The following LAMA1 variants were observed in gnomAD, a reference collection of about 807,000 sequenced individuals.
The protein encoded by LAMA1 is laminin subunit alpha-1.
In LAMA1, 219 loss-of-function variants were observed where a neutral mutation model predicts 348.7. The observed-to-expected ratio is 0.63, with a 90% CI of 0.56 to 0.70. The LOEUF is 0.70. Among genes scored for constraint, LAMA1 ranks in the 30% least tolerant of loss-of-function variants. LAMA1 has a pLI of 0.00. For missense variants in LAMA1, 3,744 were observed against 3,888.0 expected (o/e 0.96, Z 0.99); for synonymous variants, 1,487 against 1,491.0 (o/e 1.00, Z 0.06).
intron 23 of LAMA1, among the ~76,000 whole-genome samples, chr18:7,013,417 G>A (rs1022593396): frequency 2.0e-5 from 3 of 151,974 alleles, no homozygotes; most frequent in African/African-American, 7.3e-5. Flanking sequence ...TACCTCTTGG[G>A]AAAATAATAA....
At chr18:7,002,783 T>C (rs1282904926) in intron 29 of LAMA1, among the ~76,000 whole-genome samples, 1 of 152,192 alleles carries the variant, frequency 6.6e-6, no homozygotes, top group Non-Finnish European at 1.5e-5. Flanking sequence ...AATGGATAGA[T>C]GATTTAGGAA....
At chr18:7,082,535 C>T (rs1288073562) in intron 1 of LAMA1, among the ~76,000 whole-genome samples, 2 of 152,134 alleles carry the variant, frequency 1.3e-5, no homozygotes, top group Admixed American at 6.5e-5. Flanking sequence ...ATGTGTGGTA[C>T]TTACCTGTAG....
intron 9 of LAMA1, among the ~76,000 whole-genome samples, chr18:7,041,452 C>T (rs1336562144): frequency 1.3e-5 from 2 of 152,294 alleles, no homozygotes; most frequent in South Asian, 2.1e-4. Flanking sequence ...GTAATTTACC[C>T]TCCCCATCGC....
At position 6,982,547 on chromosome 18, in the gene LAMA1, C is replaced by T. The variant is rs569445597; in HGVS notation, c.5840G>A (p.Arg1947His). 32 of 1,614,024 alleles carry T rather than the reference C, an allele frequency of 2.0e-5. 1 individual carries two copies. The highest frequency in any genetic ancestry group is 5.5e-5 in the South Asian group (5 of 91,084). ...LVSNGKAAVQ[R>H]SSRFLKEGNN... is the part of the protein sequence containing the mutation. ...GCCTTCTTTTAGAAATCTGGAGCTG[C>T]GCTGCACGGCCGCTTTCCCGTTAGA... The change falls in exon 41 of 63, where the codon CGC (arginine) becomes CAC (histidine). Residue 1947 changes from arginine to histidine, a missense_variant. By Grantham distance (29) the Arg-to-His change is conservative. Transcript: ENST00000389658.
intron 46 of LAMA1, among the ~76,000 whole-genome samples, chr18:6,974,629 G>T (rs2144034420): frequency 6.6e-6 from 1 of 151,732 alleles, no homozygotes; most frequent in Non-Finnish European, 1.5e-5. Context: ...GCTAATTTTT[G>T]TATTTTTAGT....
intron 2 of LAMA1, 35 bp downstream of exon 2, chr18:7,080,252 C>T (rs2058187542): frequency 1.2e-6 from 2 of 1,613,546 alleles, no homozygotes; most frequent in Non-Finnish European, 1.7e-6. Flanking sequence ...TGTACATTCC[C>T]ATGGGAATTT....
rs377723061 is a variant in LAMA1 at position 7,033,111 on chromosome 18, T to C, written c.2052-16A>G. The C allele has an allele frequency of 6.5e-6, 10 of 1,549,958 alleles. No individual in the cohort carries two copies. The highest frequency in any genetic ancestry group is 1.7e-5 in the Admixed American group (1 of 58,814). On this transcript the variant is annotated splice_polypyrimidine_tract_variant and intron_variant, in intron 14 of 62. Transcript: ENST00000389658. ...GGACTCCAACCTACAAATAGACAGATTGTTATGTGACTCACACGCTCGCAA... is the reference window on the plus strand; with the variant it reads ...GGACTCCAACCTACAAATAGACAGACTGTTATGTGACTCACACGCTCGCAA...
intron 1 of LAMA1, among the ~76,000 whole-genome samples, chr18:7,114,752 G>A (rs1018244013): frequency 6.6e-5 from 10 of 152,094 alleles, no homozygotes; most frequent in African/African-American, 2.4e-4. Flanking sequence ...ACAATTTACT[G>A]TACATGAAAA....
Position 7,049,227 on chromosome 18 carries a change from T to G in LAMA1, c.619A>C (p.Ser207Arg). Residue 207 changes from serine to arginine, a missense_variant, in exon 5 of 63, where the codon AGC becomes CGC. By Grantham distance (110) the Ser-to-Arg change is moderately radical. Around this residue, in one of 3 missense-constraint regions of LAMA1, gnomAD observed 1,529 missense variants for 1,689.4 expected, o/e 0.91. Coordinates refer to ENST00000389658, the MANE Select transcript of LAMA1 (RefSeq NM_005559.4). ...AACTTGGGTGAAAGATCGTCAGCGC[T>G]TGGTCTGCCATTGATGAGTGATGTA... Reference protein sequence around the residue: ...IHTSLINGRPSADDLSPKLLE... With the variant: ...IHTSLINGRPRADDLSPKLLE... 1 of 1,614,118 alleles carries G rather than the reference T, an allele frequency of 6.2e-7. No homozygotes were observed. Among genetic ancestry groups the G allele is most frequent in the South Asian group, 1.1e-5 (1 of 91,072 alleles).
intron 31 of LAMA1, 134 bp downstream of exon 31, chr18:6,999,777 A>T: frequency 8.7e-7 from 1 of 1,148,554 alleles, no homozygotes; most frequent in Non-Finnish European, 1.3e-6. Context: ...AACAGTAATG[A>T]GGTCTTATTT....
In LAMA1 at chr18:7,008,623, T is replaced by C. The variant is rs202238036; in HGVS notation, c.4002-15A>G. 1.9e-6 allele frequency: 3 copies of C among 1,613,628 alleles called. No homozygotes were observed. The highest frequency in any genetic ancestry group is 2.2e-5 in the South Asian group (2 of 91,092). ...TGTCTGAGATTCTGTGCAGCCATCATGTTAAGAGAGGAAACGCTAACATTT... is the reference window on the plus strand; with the variant it reads ...TGTCTGAGATTCTGTGCAGCCATCACGTTAAGAGAGGAAACGCTAACATTT... On this transcript the variant is annotated splice_polypyrimidine_tract_variant and intron_variant, in intron 27 of 62. Transcript: ENST00000389658.
At chr18:7,011,219 G>T (rs1017995701) in intron 25 of LAMA1, 81 bp downstream of exon 25, 1 of 1,468,034 alleles carries the variant, frequency 6.8e-7, no homozygotes, top group Non-Finnish European at 9.3e-7. Context: ...ATGACAGGCC[G>T]GCCCAGACTA....
intron 1 of LAMA1, among the ~76,000 whole-genome samples, chr18:7,100,840 C>A (rs1426241001): frequency 6.6e-6 from 1 of 151,972 alleles, no homozygotes; most frequent in Non-Finnish European, 1.5e-5. Context: ...TGAAACCCTA[C>A]CTCTACTAAA....
At chr18:6,952,205 G>A (rs1023595899) in intron 57 of LAMA1, among the ~76,000 whole-genome samples, 5 of 152,322 alleles carry the variant, frequency 3.3e-5, no homozygotes, top group Middle Eastern at 3.4e-3. Flanking sequence ...AAGGCGGGCC[G>A]AGAGAGAGCA....
Position 6,965,343 on chromosome 18 carries a change from T to C in LAMA1, c.7140A>G (p.Arg2380=), listed in dbSNP as rs940036739. ...TGTACCAGGTTCCATTGTTATAACGTCTGTCTGTCAAAAGGGTAATGGGTC... is the reference window on the plus strand; with the variant it reads ...TGTACCAGGTTCCATTGTTATAACGCCTGTCTGTCAAAAGGGTAATGGGTC... The part of the protein sequence containing the change: ...GSGPITLLTD[R]RYNNGTWYKI... The change falls in exon 50 of 63, where the codon AGA becomes AGG. Residue 2380 remains arginine (R), a synonymous_variant. Coordinates refer to ENST00000389658, the MANE Select transcript of LAMA1 (RefSeq NM_005559.4). 1.2e-6 allele frequency: 2 copies of C among 1,614,196 alleles called. No homozygotes were observed. Among genetic ancestry groups the C allele is most frequent in the Non-Finnish European group, 1.7e-6 (2 of 1,180,018 alleles).
Position 7,080,384 on chromosome 18 carries a change from C to A in LAMA1, c.135G>T (p.Gly45=). The A allele has an allele frequency of 6.2e-7, 1 of 1,614,260 alleles. No individual in the cohort carries two copies. Among genetic ancestry groups the A allele is most frequent in the Non-Finnish European group, 8.5e-7 (1 of 1,180,050 alleles). The change falls in exon 2 of 63, where the codon GGG becomes GGT. Residue 45 remains glycine, a synonymous_variant. Transcript: ENST00000389658. ...ISTNATCGEK[G]PEMFCKLVEH... ...CCACAAGTTTGCAGAACATCTCCGG[C>A]CCCTTCTCGCCACAGGTGGCATTGG... is the stretch of plus-strand genomic sequence containing the variant.
chr18:6,992,522 T>A, intron 36 of LAMA1, 39 bp downstream of exon 36: 1 of 1,609,132 alleles, frequency 6.2e-7, no homozygotes, highest in Non-Finnish European at 8.5e-7. Context: ...AGTTTCTCTC[T>A]CTACTTGGTT....
chr18:7,089,146 A>G (rs924528116), intron 1 of LAMA1, among the ~76,000 whole-genome samples: 3 of 152,108 alleles, frequency 2.0e-5, no homozygotes, highest in Admixed American at 1.3e-4. Flanking sequence ...TCGGAGGCTG[A>G]GGCAGGCGAA....
chr18:6,972,684 T>C (rs778139335), intron 47 of LAMA1, among the ~76,000 whole-genome samples: 5 of 152,130 alleles, frequency 3.3e-5, no homozygotes, highest in Non-Finnish European at 7.4e-5. Flanking sequence ...TCTAAACATA[T>C]GCTTTTATTT....
Sources: allele counts gnomAD v4.1 joint callset (sites outside exome capture counted in the v4.1 genomes callset), GRCh38; gene constraint gnomAD v4.1.1; regional missense constraint gnomAD v4.1.1; transcripts MANE v1.5; gene names NCBI Gene and HGNC (gene_info 2026-07-23, HGNC 2026-07-21).